Variants in PCDHGB7 observed in about 807,000 individuals in gnomAD.
PCDHGB7 encodes protocadherin gamma subfamily B, 7, also known as protocadherin gamma-B7.
In PCDHGB7, 37 loss-of-function variants were observed where a neutral mutation model predicts 61.4. The observed-to-expected ratio is 0.60, with a 90% CI of 0.46 to 0.79. The LOEUF is 0.79. PCDHGB7 is among the 30% of genes least tolerant of loss of function. PCDHGB7 has a pLI of 0.00. For synonymous variants in PCDHGB7, 464 were observed against 503.5 expected (o/e 0.92, Z 1.05); for missense variants, 1,166 against 1,202.5 (o/e 0.97, Z 0.45).
intron 1 of PCDHGB7, among the ~76,000 whole-genome samples, chr5:141,434,881 A>C (rs1221252749): frequency 6.6e-6 from 1 of 151,958 alleles, no homozygotes; most frequent in Non-Finnish European, 1.5e-5. Context: ...AGATACCAAC[A>C]ACAATCCAGT....
chr5:141,422,052 CG>C (rs1282698929), intron 1 of PCDHGB7: 1 of 1,611,298 alleles, frequency 6.2e-7, no homozygotes, highest in South Asian at 1.1e-5. Context: ...AGGGAATCAA[CG>C]GGGAAGTAAT....
At chr5:141,468,841 G>C (rs1189145481) in intron 1 of PCDHGB7, among the ~76,000 whole-genome samples, 3 of 152,014 alleles carry the variant, frequency 2.0e-5, no homozygotes, top group Non-Finnish European at 4.4e-5. Flanking sequence ...ACTCCAGCCT[G>C]GGCAACAGAG....
intron 2 of PCDHGB7, 103 bp from the exon 3 acceptor site, chr5:141,505,290 G>A: frequency 3.2e-6 from 5 of 1,564,680 alleles, no homozygotes; most frequent in Non-Finnish European, 4.3e-6. Context: ...TTGGGCATGG[G>A]GTAGGGTTAG....
rs184178455 is a variant in PCDHGB7 at position 141,428,574 on chromosome 5, T to C, written c.2415+8300T>C. ...CAGTCCCCCCACAAGATCTTTCTAA[T>C]GAAGTTTCTCTGGTAGCAAGCTTCA... is the stretch of plus-strand genomic sequence containing the variant. On this transcript the variant is annotated intron_variant, in intron 1 of 3. Transcript: ENST00000398594. 1.8e-3 allele frequency: 416 copies of C among 229,070 alleles called. 3 individuals are homozygous for C. The highest frequency in any genetic ancestry group is 2.8e-3 in the Non-Finnish European group (314 of 113,918). The allele number at this position is 229,070 out of a possible 1,614,324, so 14.2% of individuals were successfully genotyped here. A position where few individuals can be genotyped will look rare whatever the true frequency, so the allele number is the denominator to read the frequency against.
intron 1 of PCDHGB7, among the ~76,000 whole-genome samples, chr5:141,463,380 A>G (rs994170903): frequency 2.0e-5 from 3 of 149,876 alleles, no homozygotes; most frequent in Admixed American, 6.7e-5. Context: ...ACAGTCTGAA[A>G]GTTGTCTCCA....
Position 141,491,034 on chromosome 5 carries a change from T to G in PCDHGB7, c.2416-3773T>G, listed in dbSNP as rs375902824. 1 of 1,614,170 alleles carries G rather than the reference T, an allele frequency of 6.2e-7. No homozygotes were observed. The highest frequency in any genetic ancestry group is 8.5e-7 in the Non-Finnish European group (1 of 1,180,024). On this transcript the variant is annotated intron_variant, in intron 1 of 3. Coordinates refer to ENST00000398594, the MANE Select transcript of PCDHGB7 (RefSeq NM_018927.4). The surrounding 1 kb of genome is among the most constrained non-coding windows in gnomAD (Gnocchi z 6.9). ...CCAAGGTGACAGCCGTGGATGCTGATGCAGGCCACAATGCGTGGCTCTCCT... is the reference window on the plus strand; with the variant it reads ...CCAAGGTGACAGCCGTGGATGCTGAGGCAGGCCACAATGCGTGGCTCTCCT...
At chr5:141,457,631 G>C (rs540600166) in intron 1 of PCDHGB7, among the ~76,000 whole-genome samples, 1 of 152,282 alleles carries the variant, frequency 6.6e-6, no homozygotes, top group African/African-American at 2.4e-5. Flanking sequence ...TCTTATACTT[G>C]GCCTGATTAT....
chr5:141,421,362 C>T (rs2096566609), intron 1 of PCDHGB7: 1 of 1,613,998 alleles, frequency 6.2e-7, no homozygotes, highest in African/African-American at 1.3e-5. Context: ...AGGGCTCCTT[C>T]GTGGGCAATA....
At chr5:141,497,013 A>G (rs2099773320) in intron 2 of PCDHGB7, among the ~76,000 whole-genome samples, 1 of 151,990 alleles carries the variant, frequency 6.6e-6, no homozygotes, top group Admixed American at 6.6e-5. Context: ...ACATGGTGAA[A>G]CCCCATCTCG....
At chr5:141,422,716 G>T (rs1348237465) in intron 1 of PCDHGB7, 1 of 1,604,378 alleles carries the variant, frequency 6.2e-7, no homozygotes, top group African/African-American at 1.3e-5. Context: ...GGATGACACT[G>T]TCCAGGGGGT....
chr5:141,430,595 G>A (rs549786394), intron 1 of PCDHGB7: 28 of 567,134 alleles, frequency 4.9e-5, no homozygotes, highest in African/African-American at 3.8e-4. Flanking sequence ...CCTTGCACGC[G>A]CCTGAAGCAC....
At position 141,427,779 on chromosome 5, in the gene PCDHGB7, C is replaced by T. The variant is rs1196661076; in HGVS notation, c.2415+7505C>T. On this transcript the variant is annotated intron_variant, in intron 1 of 3. Transcript: ENST00000398594. Reference sequence around the variant, plus strand: ...TACCACTGACTTGGAGCTGCGGGCACTGTCGTCCTACGTGTCCGTGAGCGC... The same window carrying T: ...TACCACTGACTTGGAGCTGCGGGCATTGTCGTCCTACGTGTCCGTGAGCGC... 2.1e-6 allele frequency: 3 copies of T among 1,454,498 alleles called. No individual in the cohort carries two copies. The East Asian group carries it at 6.8e-5, about 33-fold the overall frequency. The allele number at this position is 1,454,498 out of a possible 1,614,324, so 90.1% of individuals were successfully genotyped here. A position where few individuals can be genotyped will look rare whatever the true frequency, so the allele number is the denominator to read the frequency against.
Position 141,511,151 on chromosome 5 carries a change from C to G in PCDHGB7, c.2768C>G (p.Ser923Trp). The change falls in exon 4 of 4, where the codon TCG becomes TGG. Residue 923 changes from serine (S) to tryptophan (W), a missense_variant. Transcript: ENST00000398594. ...PAGGNGNKKK[S>W]GKKEKK ...GGTGGCAATGGCAACAAGAAGAAGTCGGGCAAGAAGGAGAAGAAGTAACAT... is the reference window on the plus strand; with the variant it reads ...GGTGGCAATGGCAACAAGAAGAAGTGGGGCAAGAAGGAGAAGAAGTAACAT... The G allele has an allele frequency of 6.2e-7, 1 of 1,614,152 alleles. No individual in the cohort carries two copies. Among genetic ancestry groups the G allele is most frequent in the Non-Finnish European group, 8.5e-7 (1 of 1,179,994 alleles).
Position 141,476,934 on chromosome 5 carries a change from A to G in PCDHGB7, c.2416-17873A>G, listed in dbSNP as rs199685528. On this transcript the variant is annotated intron_variant, in intron 1 of 3. Transcript: ENST00000398594. The surrounding 1 kb of genome is among the most constrained non-coding windows in gnomAD (Gnocchi z 7.6). ...CAAGTCCTTGCAACGGATCTGGATG[A>G]AGGCCCCAACGGTGAAATTATTTAC... 255 of 1,614,164 alleles carry G rather than the reference A, an allele frequency of 1.6e-4. 3 individuals carry two copies. In the South Asian group the frequency reaches 2.6e-3, roughly 16 times the overall value.
chr5:141,465,520 G>C (rs2099104807), intron 1 of PCDHGB7, among the ~76,000 whole-genome samples: 1 of 152,144 alleles, frequency 6.6e-6, no homozygotes, highest in Non-Finnish European at 1.5e-5. Flanking sequence ...GAAGGATTCT[G>C]GGGAAGTTTT....
At chr5:141,498,361 T>C (rs1256361883) in intron 2 of PCDHGB7, among the ~76,000 whole-genome samples, 1 of 151,460 alleles carries the variant, frequency 6.6e-6, no homozygotes, top group African/African-American at 2.4e-5. Flanking sequence ...GCAAAAGCCT[T>C]GTGGTGAGGC....
Position 141,487,302 on chromosome 5 carries a change from C to T in PCDHGB7, c.2416-7505C>T, listed in dbSNP as rs763268817. 3.7e-6 allele frequency: 6 copies of T among 1,614,154 alleles called. No homozygotes were observed. The highest frequency in any genetic ancestry group is 3.4e-6 in the Non-Finnish European group (4 of 1,180,002). On this transcript the variant is annotated intron_variant, in intron 1 of 3. Transcript: ENST00000398594. This position sits in a 1 kb window ranked among gnomAD's most constrained non-coding sequence, Gnocchi z 5.0. ...TTTGTCTCCTTTGGCTCATTCGTGGCACTACTCTCTAAGTGTCTTCGTGGG... is the reference window on the plus strand; with the variant it reads ...TTTGTCTCCTTTGGCTCATTCGTGGTACTACTCTCTAAGTGTCTTCGTGGG...
chr5:141,448,044 C>T (rs2098559539), intron 1 of PCDHGB7, among the ~76,000 whole-genome samples: 1 of 151,942 alleles, frequency 6.6e-6, no homozygotes, highest in African/African-American at 2.4e-5. Context: ...CAAGATCATG[C>T]CATTGCTCTC....
intron 1 of PCDHGB7, among the ~76,000 whole-genome samples, chr5:141,465,984 T>C (rs11953841): frequency 0.18 from 27,399 of 151,848 alleles, 2,640 homozygotes; most frequent in Admixed American, 0.28. Context: ...TAGCCGGGCA[T>C]GGTGGCAGGC....
Sources: gnomAD v4.1 joint callset for allele counts (sites outside exome capture counted in the v4.1 genomes callset) on GRCh38, gnomAD v4.1.1 for gene constraint, Gnocchi (gnomAD v3.1) non-coding constraint, MANE v1.5 for transcripts, NCBI Gene and HGNC (gene_info 2026-07-23, HGNC 2026-07-21) for gene names.